The following PTPRK variants were observed in gnomAD, a reference collection of about 807,000 sequenced individuals.
PTPRK encodes the protein receptor-type tyrosine-protein phosphatase kappa.
Under a neutral mutation model 178.0 loss-of-function variants are expected in PTPRK, and 75 were observed. The ratio of observed to expected loss-of-function variants is 0.42; its 90% confidence interval spans 0.35 to 0.51. The LOEUF (loss-of-function observed/expected upper bound fraction) is 0.51, where lower values mean the gene tolerates loss of function less well. Among genes scored for constraint, PTPRK ranks in the 20% least tolerant of loss-of-function variants. The pLI, the probability that PTPRK is intolerant of heterozygous loss-of-function variation, is 0.02. For missense variants in PTPRK, 1,441 were observed against 1,797.8 expected (o/e 0.80, Z 3.59); for synonymous variants, 637 against 620.6 (o/e 1.03, Z -0.39).
intron 1 of PTPRK, among the ~76,000 whole-genome samples, chr6:128,449,036 T>C (rs796066559): frequency 2.4e-4 from 36 of 151,890 alleles, no homozygotes; most frequent in African/African-American, 7.5e-4. Flanking sequence ...ATTTTTTTTT[T>C]CCCCCAGTAG....
At chr6:128,208,054 T>C (rs1807291727) in intron 6 of PTPRK, among the ~76,000 whole-genome samples, 1 of 152,070 alleles carries the variant, frequency 6.6e-6, no homozygotes, top group African/African-American at 2.4e-5. Context: ...CCATCCATGT[T>C]GAATTCCAAA....
intron 3 of PTPRK, among the ~76,000 whole-genome samples, chr6:128,247,319 T>C (rs1347298541): frequency 3.3e-5 from 5 of 152,146 alleles, no homozygotes; most frequent in African/African-American, 1.2e-4. Flanking sequence ...TAACTCATAT[T>C]CTTTTTCTTT....
intron 1 of PTPRK, among the ~76,000 whole-genome samples, chr6:128,498,078 T>C (rs1442913672): frequency 6.6e-6 from 1 of 152,170 alleles, no homozygotes; most frequent in Non-Finnish European, 1.5e-5. Flanking sequence ...CAATTAATTT[T>C]CTTAGGAGCT....
At chr6:128,437,898 A>C (rs963689779) in intron 1 of PTPRK, among the ~76,000 whole-genome samples, 36 of 152,366 alleles carry the variant, frequency 2.4e-4, no homozygotes, top group African/African-American at 8.4e-4. Flanking sequence ...AACAGGACAC[A>C]GTCATCCCTC....
chr6:128,469,666 G>A (rs1301078546), intron 1 of PTPRK, among the ~76,000 whole-genome samples: 1 of 152,104 alleles, frequency 6.6e-6, no homozygotes, highest in Non-Finnish European at 1.5e-5. Flanking sequence ...TATCCTAATC[G>A]CTGGGACTGT....
chr6:128,307,142 G>A (rs1826506969), intron 3 of PTPRK, among the ~76,000 whole-genome samples: 1 of 137,960 alleles, frequency 7.2e-6, no homozygotes. Flanking sequence ...AGAAGGCTCA[G>A]AGCTCAGAAG....
chr6:127,976,515 G>A (rs1774615151), intron 27 of PTPRK, 142 bp downstream of exon 27: 3 of 1,019,880 alleles, frequency 2.9e-6, no homozygotes, highest in Non-Finnish European at 2.8e-6. Flanking sequence ...GAGTACTAAG[G>A]CATAAGATGG....
intron 5 of PTPRK, among the ~76,000 whole-genome samples, chr6:128,236,346 T>A (rs1813264597): frequency 7.0e-6 from 1 of 142,636 alleles, no homozygotes; most frequent in Admixed American, 7.0e-5. Flanking sequence ...TAAATTTCTT[T>A]TTTTTTTTTT....
intron 3 of PTPRK, among the ~76,000 whole-genome samples, chr6:128,250,895 C>T (rs1012034012): frequency 6.6e-6 from 1 of 152,208 alleles, no homozygotes; most frequent in African/African-American, 2.4e-5. Flanking sequence ...CTGTCACTCA[C>T]TGTAGCTCCT....
chr6:127,983,415 T>A (rs1461571380), intron 22 of PTPRK, 38 bp from the exon 23 acceptor site: 1 of 1,604,490 alleles, frequency 6.2e-7, no homozygotes, highest in Non-Finnish European at 8.5e-7. Flanking sequence ...GTAAGAAGCA[T>A]GTTAGTCTTC....
At chr6:128,164,078 ATT>A (rs1799054976) in intron 7 of PTPRK, among the ~76,000 whole-genome samples, 1 of 151,332 alleles carries the variant, frequency 6.6e-6, no homozygotes, top group Non-Finnish European at 1.5e-5. Flanking sequence ...ACTCCTTCTC[ATT>A]TTCTTCTAGA....
At chr6:128,147,072 T>C (rs1042594149) in intron 7 of PTPRK, among the ~76,000 whole-genome samples, 4 of 152,160 alleles carry the variant, frequency 2.6e-5, no homozygotes, top group Admixed American at 6.5e-5. Flanking sequence ...TTCTGAGATA[T>C]TGTCTTTGTA....
intron 6 of PTPRK, among the ~76,000 whole-genome samples, chr6:128,192,439 G>A (rs932129594): frequency 6.6e-6 from 1 of 151,960 alleles, no homozygotes; most frequent in Non-Finnish European, 1.5e-5. Context: ...TTCTTTTAGC[G>A]CCTGACAAAG....
At chr6:128,076,039 T>C (rs1422057456) in intron 11 of PTPRK, among the ~76,000 whole-genome samples, 1 of 151,820 alleles carries the variant, frequency 6.6e-6, no homozygotes, top group African/African-American at 2.4e-5. Flanking sequence ...GGGGGAAGGG[T>C]CACAGAGTAG....
intron 3 of PTPRK, among the ~76,000 whole-genome samples, chr6:128,312,018 C>T (rs1036248352): frequency 6.6e-6 from 1 of 152,140 alleles, no homozygotes; most frequent in African/African-American, 2.4e-5. Context: ...CATTTTTATG[C>T]TTAGGTTCAA....
intron 1 of PTPRK, among the ~76,000 whole-genome samples, chr6:128,415,899 G>A (rs1842798093): frequency 6.6e-6 from 1 of 152,072 alleles, no homozygotes; most frequent in Non-Finnish European, 1.5e-5. Context: ...TGGTGGTTGT[G>A]CTAAATTTTT....
chr6:128,173,411 G>C (rs994630309), intron 7 of PTPRK, among the ~76,000 whole-genome samples: 8 of 151,854 alleles, frequency 5.3e-5, no homozygotes, highest in African/African-American at 1.9e-4. Flanking sequence ...CTAAAAATGT[G>C]GTTGAAAGAA....
intron 3 of PTPRK, among the ~76,000 whole-genome samples, chr6:128,264,454 T>A (rs969615132): frequency 6.6e-6 from 1 of 152,112 alleles, no homozygotes; most frequent in Admixed American, 6.6e-5. Context: ...TTACTTTGGA[T>A]AGGTCTTTAT....
In PTPRK at chr6:128,334,024, C is replaced by T. The variant is rs948326760; in HGVS notation, c.224-11714G>A. 2.0e-4 allele frequency among the ~76,000 whole-genome samples: 30 copies of T among 152,102 alleles called. 1 individual carries two copies. Among genetic ancestry groups the T allele is most frequent in the African/African-American group, 6.7e-4 (28 of 41,498 alleles). On this transcript the variant is annotated intron_variant, in intron 2 of 29. Transcript: ENST00000368226. ...GGAGGGCTGAGGAGAGGAAGAAAGA[C>T]GGGAACAGCCAGTAGGTGGAACAGT... is the stretch of plus-strand genomic sequence containing the variant.
Sources: gnomAD v4.1 joint callset for allele counts (sites outside exome capture counted in the v4.1 genomes callset) on GRCh38, gnomAD v4.1.1 for gene constraint, MANE v1.5 for transcripts, NCBI Gene and HGNC (gene_info 2026-07-23, HGNC 2026-07-21) for gene names.